Variants in MYOM2 observed in about 807,000 individuals in gnomAD.
MYOM2 encodes the protein myomesin 2.
MYOM2 carries 254 observed loss-of-function variants against 187.6 expected under a neutral mutation model. That is an observed-to-expected ratio of 1.35 (90% CI 1.22 to 1.50). The LOEUF (loss-of-function observed/expected upper bound fraction) is 1.50. Ranked by LOEUF, MYOM2 falls within the 40% of genes most tolerant of loss-of-function variation. The pLI is 0.00. For missense variants in MYOM2, 2,796 were observed against 1,924.0 expected, an observed-to-expected ratio of 1.45 and a Z score of -8.48; for synonymous variants, 981 against 753.8, an observed-to-expected ratio of 1.30 and a Z score of -4.94.
chr8:2,115,725 C>T (rs1023871212), intron 25 of MYOM2, among the ~76,000 whole-genome samples: 1 of 152,180 alleles, frequency 6.6e-6, no homozygotes, highest in Non-Finnish European at 1.5e-5. Context: ...CCTAGAAGGT[C>T]CCTGGTTTGG....
rs191660826 is a variant in MYOM2, at chr8:2,139,196, G to A, written c.3801-1527G>A. 3.6e-3 allele frequency among the ~76,000 whole-genome samples: 550 copies of A among 152,254 alleles called. 2 individuals carry two copies. Among genetic ancestry groups the A allele is most frequent in the Non-Finnish European group, 6.0e-3 (406 of 68,020 alleles). ...CGCTCTGTTGGCCAGGCCGGAGTGCGGTGGTGTGATCACAGCTCACTGCAG... is the reference window on the plus strand; with the variant it reads ...CGCTCTGTTGGCCAGGCCGGAGTGCAGTGGTGTGATCACAGCTCACTGCAG... On this transcript the variant is annotated intron_variant, in intron 32 of 36. Transcript: ENST00000262113.
chr8:2,124,275 G>C (rs944291663), intron 31 of MYOM2, 58 bp downstream of exon 31: 28 of 1,517,230 alleles, frequency 1.8e-5, no homozygotes, highest in African/African-American at 2.7e-5. Context: ...ACTATTTCCT[G>C]ACACGGGAAG....
At chr8:2,115,808 C>T in intron 25 of MYOM2, 152 bp from the exon 26 acceptor site, 2 of 797,610 alleles carry the variant, frequency 2.5e-6, no homozygotes, top group Non-Finnish European at 3.8e-6. Context: ...GATCCTTGTT[C>T]ACCCAGAGGT....
chr8:2,120,946 A>G (rs1563069622), intron 28 of MYOM2, among the ~76,000 whole-genome samples: 2 of 151,614 alleles, frequency 1.3e-5, no homozygotes, highest in Non-Finnish European at 2.9e-5. Context: ...TAGTGTGTTT[A>G]AAAGGAAGAT....
intron 31 of MYOM2, 131 bp downstream of exon 31, chr8:2,124,348 G>C: frequency 1.2e-6 from 1 of 848,570 alleles, no homozygotes; most frequent in South Asian, 1.7e-5. Context: ...GCCCTGGATG[G>C]AAGGGCAGGG....
intron 9 of MYOM2, 88 bp from the exon 10 acceptor site, chr8:2,073,251 G>A (rs779043622): frequency 3.7e-4 from 540 of 1,445,660 alleles, no homozygotes; most frequent in Middle Eastern, 9.3e-4. Context: ...GTCCTGTCCC[G>A]CTCTGAGACG....
intron 28 of MYOM2, 120 bp downstream of exon 28, chr8:2,118,072 G>C: frequency 2.5e-6 from 2 of 790,686 alleles, no homozygotes; most frequent in South Asian, 1.9e-5. Context: ...TGTGGTGCCT[G>C]TGTAGCTGCG....
intron 32 of MYOM2, among the ~76,000 whole-genome samples, chr8:2,134,558 C>T (rs1797998977): frequency 6.6e-6 from 1 of 152,190 alleles, no homozygotes; most frequent in African/African-American, 2.4e-5. Flanking sequence ...TGGCCTTCAG[C>T]ACTGATTTCT....
chr8:2,109,989 A>G (rs1158140205), intron 25 of MYOM2, among the ~76,000 whole-genome samples: 6 of 152,140 alleles, frequency 3.9e-5, no homozygotes, highest in African/African-American at 7.2e-5. Flanking sequence ...TTGGGCAGCA[A>G]TCTTGGTGTG....
chr8:2,059,742 CTTT>C (rs60345808), intron 6 of MYOM2, among the ~76,000 whole-genome samples: 2 of 131,128 alleles, frequency 1.5e-5, no homozygotes, highest in Admixed American at 8.0e-5. Flanking sequence ...GACACACACA[CTTT>C]TTTTTTTTTT....
In MYOM2 at chr8:2,116,015, GATTTAGT is replaced by G; in HGVS notation, c.3240_3246del (p.Phe1080LeufsTer22). ...GGCATTATTGAGATGGTGATGGATC[GATTTAGT>G]ATTGAAAATGAGGGGACCTACACTG... On this transcript the variant is annotated frameshift_variant, in exon 26 of 37. Coordinates refer to ENST00000262113, the MANE Select transcript of MYOM2 (RefSeq NM_003970.4). LOFTEE classifies it high-confidence loss of function. 1 of 1,613,804 alleles carries G rather than the reference GATTTAGT, an allele frequency of 6.2e-7. No individual in the cohort carries two copies. Among genetic ancestry groups the G allele is most frequent in the Non-Finnish European group, 8.5e-7 (1 of 1,179,908 alleles).
In MYOM2 at chr8:2,069,495, G is replaced by C. The variant is rs1819141701; in HGVS notation, c.791G>C (p.Gly264Ala). Residue 264 changes from glycine to alanine, a missense_variant and splice_region_variant, in exon 8 of 37, where the codon GGA becomes GCA. By Grantham distance (60) the Gly-to-Ala change is moderately conservative (BLOSUM62 0). Coordinates refer to ENST00000262113, the MANE Select transcript of MYOM2 (RefSeq NM_003970.4). The part of the protein sequence containing the change: ...EPFRSVGLPI[G>A]LPLSSMIPYT... ...TTCCGTTCGGTGGGACTCCCGATTG[G>C]ATGTAAGTGGGTTTTTGTTTCTTTT... 3 of 1,614,200 alleles carry C rather than the reference G, an allele frequency of 1.9e-6. No individual in the cohort carries two copies. The highest frequency in any genetic ancestry group is 2.5e-6 in the Non-Finnish European group (3 of 1,180,034).
intron 2 of MYOM2, among the ~76,000 whole-genome samples, chr8:2,051,156 C>G (rs1818472468): frequency 7.3e-6 from 1 of 136,826 alleles, no homozygotes; most frequent in African/African-American, 2.7e-5. Context: ...TCATCACATG[C>G]CTTCCAGAAC....
In MYOM2 at chr8:2,085,309, G is replaced by T; in HGVS notation, c.1563G>T (p.Glu521Asp). Residue 521 changes from glutamate to aspartate, a missense_variant, in exon 14 of 37, where the codon GAG becomes GAT. Coordinates refer to ENST00000262113, the MANE Select transcript of MYOM2 (RefSeq NM_003970.4). ...PGPPTGVHAS[E>D]ISRNYVVLSW... ...CTCCCACCGGTGTGCACGCTTCCGA[G>T]ATCAGCAGAAACTATGTCGTCCTCA... The T allele has an allele frequency of 6.2e-7, 1 of 1,614,170 alleles. No homozygotes were observed. The highest frequency in any genetic ancestry group is 8.5e-7 in the Non-Finnish European group (1 of 1,180,016).
chr8:2,142,496 C>A, intron 35 of MYOM2, 99 bp downstream of exon 35: 4 of 1,179,926 alleles, frequency 3.4e-6, no homozygotes, highest in African/African-American at 3.0e-5. Context: ...TAAATAATAA[C>A]CAGCAATCCC....
chr8:2,053,155 A>C (rs143740428), intron 3 of MYOM2, among the ~76,000 whole-genome samples: 75 of 152,384 alleles, frequency 4.9e-4, no homozygotes, highest in African/African-American at 1.8e-3. Context: ...ATAAGATTTG[A>C]GTAAACATCT....
In MYOM2 at chr8:2,089,980, C is replaced by T. The variant is rs1255290293; in HGVS notation, c.1645-28C>T. ...TCTGGGGACCTCGCGGTTTTCACTG[C>T]CAGTCTCGTTTCTGTTTCTCTTTGT... On this transcript the variant is annotated intron_variant, in intron 14 of 36. Transcript: ENST00000262113. 2.5e-6 allele frequency: 4 copies of T among 1,609,760 alleles called. No homozygotes were observed. The South Asian group carries it at 4.4e-5, about 18-fold the overall frequency.
Position 2,128,065 on chromosome 8 carries a change from A to T in MYOM2, c.3695-1062A>T, listed in dbSNP as rs188275264. ...CTTTGTTTTATATAGATGTTATATT[A>T]ACATTCACTTTAAAAAATAATTACT... On this transcript the variant is annotated intron_variant, in intron 31 of 36. Transcript: ENST00000262113. Among the ~76,000 whole-genome samples the T allele has an allele frequency of 3.5e-3, 527 of 152,268 alleles. 1 individual carries two copies. Among genetic ancestry groups the T allele is most frequent in the Non-Finnish European group, 4.8e-3 (328 of 68,020 alleles).
At position 2,096,403 on chromosome 8, in the gene MYOM2, A is replaced by T; in HGVS notation, c.2282A>T (p.Asn761Ile). ...CACCATAAAAACTGGCACGAGGTCAATTCCTCACCCAGCAAACCGACAATC... is the reference window on the plus strand; with the variant it reads ...CACCATAAAAACTGGCACGAGGTCATTTCCTCACCCAGCAAACCGACAATC... ...EVHHKNWHEV[N>I]SSPSKPTILT... is the part of the protein sequence containing the mutation. The change falls in exon 18 of 37, where the codon AAT (asparagine) becomes ATT (isoleucine). Residue 761 changes from asparagine to isoleucine, a missense_variant. Asn to Ile is a moderately radical substitution (Grantham distance 149). Coordinates refer to ENST00000262113, the MANE Select transcript of MYOM2 (RefSeq NM_003970.4). The T allele has an allele frequency of 1.2e-6, 2 of 1,614,224 alleles. No individual in the cohort carries two copies. The highest frequency in any genetic ancestry group is 1.1e-5 in the South Asian group (1 of 91,080).
Sources: gnomAD v4.1 joint callset for allele counts (sites outside exome capture counted in the v4.1 genomes callset) on GRCh38, gnomAD v4.1.1 for gene constraint, MANE v1.5 for transcripts, NCBI Gene and HGNC (gene_info 2026-07-23, HGNC 2026-07-21) for gene names.